The following FAM227B variants were observed in gnomAD, a reference collection of about 807,000 sequenced individuals.
The protein encoded by FAM227B is family with sequence similarity 227 member B.
Under a neutral mutation model 73.8 loss-of-function variants are expected in FAM227B, and 88 were observed. The observed-to-expected ratio is 1.19, with a 90% confidence interval of 1.00 to 1.42. FAM227B has a LOEUF of 1.42. FAM227B is among the 40% of genes most tolerant of loss of function. The probability of loss-of-function intolerance (pLI) is 0.00; values close to 1 mark genes in which losing one functional copy is unlikely to be tolerated. For missense variants in FAM227B, 632 were observed against 590.9 expected, an observed-to-expected ratio of 1.07 and a Z score of -0.72; for synonymous variants, 210 against 190.5, an observed-to-expected ratio of 1.10 and a Z score of -0.84.
At chr15:49,591,241 A>G (rs2076538858) in intron 3 of FAM227B, among the ~76,000 whole-genome samples, 1 of 149,568 alleles carries the variant, frequency 6.7e-6, no homozygotes, top group South Asian at 2.1e-4. Flanking sequence ...TGCCCGGCTA[A>G]TTTTTTGTAT....
chr15:49,383,299 G>T (rs563380611), intron 11 of FAM227B, among the ~76,000 whole-genome samples: 2 of 151,918 alleles, frequency 1.3e-5, no homozygotes, highest in African/African-American at 4.8e-5. Flanking sequence ...GAATGTTCAC[G>T]GAACTCTGTG....
chr15:49,589,799 C>T lies in FAM227B; in HGVS notation c.314G>A (p.Trp105Ter), dbSNP rs139476148. Residue 105 changes from tryptophan to a stop codon, truncating the protein, a stop_gained, in exon 4 of 16, where the codon TGG becomes TAG. Coordinates refer to ENST00000299338, the MANE Select transcript of FAM227B (RefSeq NM_152647.3). LOFTEE classifies it high-confidence loss of function. ...LQNHTSEIFK[W>*]KSMISETSSY... ...ACTTGTCTCAGAAATCATGCTTTTC[C>T]ACTTAAATATTTCAGAGGTGTGGTT... 5.8e-5 allele frequency: 92 copies of T among 1,586,856 alleles called. No homozygotes were observed. Among genetic ancestry groups the T allele is most frequent in the Non-Finnish European group, 7.8e-5 (90 of 1,156,626 alleles).
chr15:49,577,999 GCTTTTGGAATCAATGC>G (rs1299149861), intron 5 of FAM227B, among the ~76,000 whole-genome samples: 20 of 152,324 alleles, frequency 1.3e-4, no homozygotes, highest in Admixed American at 6.5e-5. Context: ...TATTGTGAGT[GCTTTTGGAATCAATGC>G]CTTTTGGAAT....
intron 13 of FAM227B, among the ~76,000 whole-genome samples, chr15:49,346,102 A>G (rs1271324817): frequency 1.3e-5 from 2 of 150,826 alleles, no homozygotes; most frequent in Non-Finnish European, 2.9e-5. Context: ...GCTGCTGAAC[A>G]CGAAACTTAA....
At chr15:49,449,257 T>C (rs1257685003) in intron 11 of FAM227B, among the ~76,000 whole-genome samples, 3 of 152,048 alleles carry the variant, frequency 2.0e-5, no homozygotes, top group Non-Finnish European at 4.4e-5. Context: ...TAGTTATTTT[T>C]ATATGGAATA....
At chr15:49,453,759 C>T (rs2053002438) in intron 11 of FAM227B, among the ~76,000 whole-genome samples, 1 of 152,114 alleles carries the variant, frequency 6.6e-6, no homozygotes, top group African/African-American at 2.4e-5. Flanking sequence ...ATCTAATGGT[C>T]ACTAGATAGC....
intron 11 of FAM227B, among the ~76,000 whole-genome samples, chr15:49,379,672 C>T (rs570779344): frequency 5.1e-4 from 77 of 152,140 alleles, no homozygotes; most frequent in Non-Finnish European, 9.0e-4. Context: ...TGATTTTAGA[C>T]ATAATCCAGC....
At chr15:49,415,117 T>C (rs949781321) in intron 11 of FAM227B, among the ~76,000 whole-genome samples, 9 of 152,146 alleles carry the variant, frequency 5.9e-5, no homozygotes, top group Admixed American at 4.6e-4. Context: ...AGCTAATGAA[T>C]TGAAAATTAA....
At chr15:49,355,492 G>A (rs549059995) in intron 13 of FAM227B, among the ~76,000 whole-genome samples, 57 of 152,254 alleles carry the variant, frequency 3.7e-4, no homozygotes, top group African/African-American at 1.1e-3. Flanking sequence ...GGGTATCAGC[G>A]ATGGAAGATG....
intron 3 of FAM227B, among the ~76,000 whole-genome samples, chr15:49,594,201 G>A (rs1250436275): frequency 6.6e-6 from 1 of 151,934 alleles, no homozygotes; most frequent in African/African-American, 2.4e-5. Flanking sequence ...TTTTTCACAG[G>A]TTTTTTGGCC....
intron 10 of FAM227B, among the ~76,000 whole-genome samples, chr15:49,513,267 T>C (rs969045213): frequency 5.9e-5 from 9 of 152,200 alleles, no homozygotes; most frequent in African/African-American, 2.2e-4. Flanking sequence ...CCAACATCTG[T>C]TGTTTCTTGA....
rs540174320 is a variant in FAM227B at position 49,473,213 on chromosome 15, C to G, written c.1012+34998G>C. On this transcript the variant is annotated intron_variant, in intron 11 of 15. Transcript: ENST00000299338. ...AATTTAGAAAGATGAGACAGATTTA[C>G]TCACAGTTTAGTTAACTCATCCTTT... Among the ~76,000 whole-genome samples the G allele has an allele frequency of 9.2e-5, 14 of 152,218 alleles. No individual in the cohort carries two copies. The South Asian group carries it at 2.9e-3, about 32-fold the overall frequency.
intron 13 of FAM227B, among the ~76,000 whole-genome samples, chr15:49,348,423 A>G (rs2041828155): frequency 6.6e-6 from 1 of 152,232 alleles, no homozygotes; most frequent in East Asian, 1.9e-4. Context: ...AATTTGATAT[A>G]TCACTAAAAA....
chr15:49,367,611 G>GT lies in FAM227B; in HGVS notation c.1111-4dup. 1.3e-6 allele frequency: 2 copies of GT among 1,540,020 alleles called. No individual in the cohort carries two copies. The highest frequency in any genetic ancestry group is 1.7e-6 in the Non-Finnish European group (2 of 1,156,728). ...GGACCAGTACTACTATAGTGCGACT[G>GT]TAAGAGGAAGAAAATAATCAAGACA... On this transcript the variant is annotated splice_region_variant and splice_polypyrimidine_tract_variant and intron_variant, in intron 12 of 15. Transcript: ENST00000299338.
chr15:49,529,439 A>G lies in FAM227B; in HGVS notation c.874+12241T>C, dbSNP rs77679475. 2.1e-3 allele frequency among the ~76,000 whole-genome samples: 322 copies of G among 151,876 alleles called. 8 individuals are homozygous for G. In the East Asian group the frequency reaches 0.056, roughly 26 times the overall value. On this transcript the variant is annotated intron_variant, in intron 10 of 15. Transcript: ENST00000299338. ...CACCATTGCACAATATATCTATGTA[A>G]CAAACCTGCACATGTACCTGCATCA...
intron 8 of FAM227B, among the ~76,000 whole-genome samples, chr15:49,569,860 T>C (rs113628352): frequency 0.02 from 3,084 of 152,084 alleles, 45 homozygotes; most frequent in South Asian, 0.074. Flanking sequence ...CACATATAAG[T>C]GAGATCATGT....
chr15:49,588,055 C>A lies in FAM227B; in HGVS notation c.366G>T (p.Gly122=). 7.0e-7 allele frequency: 1 copy of A among 1,424,638 alleles called. No individual in the cohort carries two copies. The highest frequency in any genetic ancestry group is 9.4e-7 in the Non-Finnish European group (1 of 1,064,468). The allele number at this position is 1,424,638 out of a possible 1,614,324, so 88.2% of individuals were successfully genotyped here. A position where few individuals can be genotyped will look rare whatever the true frequency, so the allele number is the denominator to read the frequency against. Residue 122 remains glycine, a synonymous_variant, in exon 5 of 16, where the codon GGG becomes GGT. Transcript: ENST00000299338. ...TCTTATGGTACTTCTTTAGAAATTC[C>A]CCATATCGTTCCAATTTTCTATAAG... ...TSSYRKLERY[G]EFLKKYHKKK... is the part of the protein sequence containing the mutation.
intron 9 of FAM227B, among the ~76,000 whole-genome samples, chr15:49,551,965 T>G (rs1347773548): frequency 6.6e-6 from 1 of 152,214 alleles, no homozygotes. Flanking sequence ...AAATTATAAT[T>G]TTTGAGTGGT....
chr15:49,412,910 G>GAA (rs2048964471), intron 11 of FAM227B, among the ~76,000 whole-genome samples: 1 of 152,016 alleles, frequency 6.6e-6, no homozygotes, highest in South Asian at 2.1e-4. Flanking sequence ...AGATCTCTCT[G>GAA]ATCCAGAATG....
Sources: gnomAD v4.1 joint callset for allele counts (sites outside exome capture counted in the v4.1 genomes callset) on GRCh38, gnomAD v4.1.1 for gene constraint, MANE v1.5 for transcripts, NCBI Gene and HGNC (gene_info 2026-07-23, HGNC 2026-07-21) for gene names.